Variants in DPP6 observed in about 807,000 individuals in gnomAD.
DPP6 encodes dipeptidyl peptidase like 6.
DPP6 carries 69 observed loss-of-function variants against 122.6 expected under a neutral mutation model. That is an observed-to-expected ratio of 0.56 (90% CI 0.46 to 0.69). DPP6 has a LOEUF of 0.69. Ranked by LOEUF, DPP6 falls within the 30% of genes least tolerant of loss-of-function variation. The pLI, the probability that DPP6 is intolerant of heterozygous loss-of-function variation, is 0.00. For missense variants in DPP6, 928 were observed against 1,116.9 expected, an observed-to-expected ratio of 0.83 and a Z score of 2.41; for synonymous variants, 418 against 433.1, an observed-to-expected ratio of 0.97 and a Z score of 0.43.
rs1216990554 is a variant in DPP6 at position 154,062,086 on chromosome 7, C to A, written c.243+9023C>A. Among the ~76,000 whole-genome samples the A allele has an allele frequency of 6.7e-4, 71 of 106,614 alleles. 12 individuals are homozygous for A. Among genetic ancestry groups the A allele is most frequent in the Non-Finnish European group, 9.8e-4 (48 of 49,076 alleles). 69.9% of individuals were successfully genotyped at this position (106,614 alleles called of 152,430 possible). On this transcript the variant is annotated intron_variant, in intron 1 of 25. Coordinates refer to ENST00000377770, the MANE Select transcript of DPP6 (RefSeq NM_130797.4). ...CTGGTTCCCCCACTGGCTCTTAGGA[C>A]CCCCATCGCAGAGGGGGGACGCACC...
upstream of DPP6, among the ~76,000 whole-genome samples, chr7:153,882,411 T>C (rs1320808242): frequency 6.6e-5 from 10 of 152,174 alleles, no homozygotes. Context: ...TATGTTGGGG[T>C]TCCTCTAGGT....
intron 3 of DPP6, among the ~76,000 whole-genome samples, chr7:154,511,520 A>G (rs776510873): frequency 4.6e-5 from 7 of 152,222 alleles, no homozygotes; most frequent in Non-Finnish European, 8.8e-5. Context: ...TTGACTTGTC[A>G]ATGAAATTAC....
chr7:154,060,718 G>GTT, intron 1 of DPP6, among the ~76,000 whole-genome samples: 1 of 75,286 alleles, frequency 1.3e-5, no homozygotes, highest in African/African-American at 5.1e-5. Flanking sequence ...CCATCGCAGG[G>GTT]GGGGAGGCAC....
At chr7:154,129,946 C>A (rs1454816909) in intron 1 of DPP6, among the ~76,000 whole-genome samples, 1 of 150,802 alleles carries the variant, frequency 6.6e-6, no homozygotes, top group Non-Finnish European at 1.5e-5. Context: ...CATGGTGACA[C>A]ACGCCTGTAA....
At chr7:154,492,245 AC>A (rs2151389235) in intron 3 of DPP6, among the ~76,000 whole-genome samples, 2 of 152,246 alleles carry the variant, frequency 1.3e-5, no homozygotes, top group South Asian at 4.1e-4. Context: ...CTTGTATAGC[AC>A]CCAGGAAGTA....
At chr7:154,389,587 T>C (rs1375414807) in intron 1 of DPP6, among the ~76,000 whole-genome samples, 2 of 152,208 alleles carry the variant, frequency 1.3e-5, no homozygotes, top group Non-Finnish European at 2.9e-5. Context: ...ATATATTCGA[T>C]AGCATTTTAT....
intron 1 of DPP6, among the ~76,000 whole-genome samples, chr7:154,020,932 T>A (rs1357559250): frequency 6.6e-6 from 1 of 152,072 alleles, no homozygotes; most frequent in Non-Finnish European, 1.5e-5. Flanking sequence ...CTGCCCCCAT[T>A]GTGGAGGATA....
At chr7:154,285,414 G>A (rs778920224) in intron 1 of DPP6, among the ~76,000 whole-genome samples, 17 of 152,146 alleles carry the variant, frequency 1.1e-4, no homozygotes, top group East Asian at 1.9e-4. Flanking sequence ...ACAGGCACCC[G>A]CCACCACACT....
intron 1 of DPP6, among the ~76,000 whole-genome samples, chr7:153,889,074 G>A (rs1563208865): frequency 6.6e-6 from 1 of 152,148 alleles, no homozygotes; most frequent in Non-Finnish European, 1.5e-5. Context: ...GACTCTGGAC[G>A]GAGGTGTGAG....
intron 1 of DPP6, among the ~76,000 whole-genome samples, chr7:154,063,571 C>T (rs1204754636): frequency 9.8e-3 from 1,044 of 106,600 alleles, no homozygotes; most frequent in African/African-American, 0.032. Flanking sequence ...TCCCCTCTTC[C>T]GCCTCTGGCT....
At chr7:154,701,046 C>T (rs1175060369) in intron 7 of DPP6, among the ~76,000 whole-genome samples, 1 of 152,144 alleles carries the variant, frequency 6.6e-6, no homozygotes, top group African/African-American at 2.4e-5. Flanking sequence ...GATTTGTCTC[C>T]ACTCACCAAA....
At chr7:154,587,922 G>A (rs1195622338) in intron 5 of DPP6, 2 of 1,612,922 alleles carry the variant, frequency 1.2e-6, no homozygotes, top group South Asian at 2.2e-5. Context: ...CAGGAGGCAG[G>A]ACTGCCAATG....
intron 6 of DPP6, among the ~76,000 whole-genome samples, chr7:154,643,498 TCA>T: frequency 7.0e-6 from 1 of 141,904 alleles, no homozygotes; most frequent in South Asian, 2.2e-4. Flanking sequence ...AGACAGAGTC[TCA>T]CTCTGTTGCC....
intron 7 of DPP6, among the ~76,000 whole-genome samples, chr7:154,677,540 C>T (rs1249974165): frequency 6.6e-6 from 1 of 152,226 alleles, no homozygotes; most frequent in Non-Finnish European, 1.5e-5. Context: ...GAAGAGCTTG[C>T]GCTTGAAACT....
chr7:153,986,364 AGACCT>A (rs1228967316), intron 1 of DPP6, among the ~76,000 whole-genome samples: 4 of 152,052 alleles, frequency 2.6e-5, no homozygotes, highest in Non-Finnish European at 5.9e-5. Flanking sequence ...ACTCCTACCG[AGACCT>A]GTTCATCTCA....
chr7:153,925,992 TC>T (rs1340001485), intron 1 of DPP6, among the ~76,000 whole-genome samples: 2 of 152,100 alleles, frequency 1.3e-5, no homozygotes, highest in Non-Finnish European at 1.5e-5. Flanking sequence ...GTACCTGCAG[TC>T]CCTGTAGTTC....
chr7:154,168,166 C>G lies in DPP6; in HGVS notation c.243+115103C>G, dbSNP rs189109907. 2.7e-3 allele frequency among the ~76,000 whole-genome samples: 418 copies of G among 152,288 alleles called. 4 individuals are homozygous for G. Among genetic ancestry groups the G allele is most frequent in the Non-Finnish European group, 3.4e-3 (231 of 68,026 alleles). ...CTCTCTCCAGAGGTTGTGGAGTCAA[C>G]AGAAAAGCAGATCCATGTCTGAAGA... On this transcript the variant is annotated intron_variant, in intron 1 of 25. Transcript: ENST00000377770.
chr7:154,079,777 C>G (rs1451158015), intron 1 of DPP6, among the ~76,000 whole-genome samples: 2 of 151,932 alleles, frequency 1.3e-5, no homozygotes, highest in African/African-American at 2.4e-5. Context: ...CCAGATGGAC[C>G]CTTCGATGTT....
intron 1 of DPP6, among the ~76,000 whole-genome samples, chr7:154,310,318 G>A (rs1214133637): frequency 6.6e-6 from 1 of 152,212 alleles, no homozygotes; most frequent in Non-Finnish European, 1.5e-5. Flanking sequence ...GCCTGGAGGC[G>A]GCATGCGCTG....
Sources: gnomAD v4.1 joint callset for allele counts (sites outside exome capture counted in the v4.1 genomes callset) on GRCh38, gnomAD v4.1.1 for gene constraint, MANE v1.5 for transcripts, NCBI Gene and HGNC (gene_info 2026-07-23, HGNC 2026-07-21) for gene names.